Variants in FOCAD observed in about 807,000 individuals in gnomAD.
The protein encoded by FOCAD is focadhesin.
In FOCAD, 198 loss-of-function variants were observed where a neutral mutation model predicts 225.6. That is an observed-to-expected ratio of 0.88 (90% CI 0.78 to 0.99). The LOEUF (loss-of-function observed/expected upper bound fraction) is 0.99. Among genes scored for constraint, FOCAD ranks in the 50% least tolerant of loss-of-function variants. The pLI, the probability that FOCAD is intolerant of heterozygous loss-of-function variation, is 0.00. For synonymous variants in FOCAD, 897 were observed against 755.0 expected (o/e 1.19, Z -3.08); for missense variants, 2,713 against 2,123.6 (o/e 1.28, Z -5.46).
At chr9:20,980,903 G>A (rs928289280) in intron 37 of FOCAD, among the ~76,000 whole-genome samples, 4 of 152,198 alleles carry the variant, frequency 2.6e-5, no homozygotes, top group South Asian at 4.1e-4. Flanking sequence ...TCAGTTCTAC[G>A]TGCTCAGCTG....
At chr9:20,779,798 T>G (rs1038891549) in intron 9 of FOCAD, among the ~76,000 whole-genome samples, 10 of 152,112 alleles carry the variant, frequency 6.6e-5, no homozygotes, top group African/African-American at 1.9e-4. Flanking sequence ...TATAGCTCAT[T>G]CTTCTGGGCA....
rs376486637 is a variant in FOCAD, at chr9:20,960,814, A to C, written c.4132+7749A>C. 2.0e-5 allele frequency among the ~76,000 whole-genome samples: 3 copies of C among 147,506 alleles called. No homozygotes were observed. In the East Asian group the frequency reaches 6.0e-4, roughly 30 times the overall value. The stretch of plus-strand genomic sequence containing the variant: ...TGTGTCCAAGTGTTCTCATTATTCA[A>C]TTCCCACCTATGAGTGAGAACATGT... On this transcript the variant is annotated intron_variant, in intron 35 of 43. Coordinates refer to ENST00000338382, the MANE Select transcript of FOCAD (RefSeq NM_001375567.1).
chr9:20,754,305 A>T (rs1213617561), intron 5 of FOCAD, among the ~76,000 whole-genome samples: 1 of 152,218 alleles, frequency 6.6e-6, no homozygotes. Context: ...AAGTAGGAAA[A>T]TAACTTCATT....
intron 20 of FOCAD, among the ~76,000 whole-genome samples, chr9:20,882,978 C>G (rs1165175102): frequency 6.6e-6 from 1 of 152,106 alleles, no homozygotes; most frequent in East Asian, 1.9e-4. Flanking sequence ...ACTCAAATTA[C>G]AAAAGTTATA....
intron 2 of FOCAD, among the ~76,000 whole-genome samples, chr9:20,668,738 G>A (rs1821969053): frequency 6.6e-6 from 1 of 152,174 alleles, no homozygotes; most frequent in Admixed American, 6.5e-5. Context: ...GCCTTGTCAG[G>A]AGATTGAATC....
chr9:20,968,251 G>T (rs146354081), intron 35 of FOCAD, among the ~76,000 whole-genome samples: 1 of 151,634 alleles, frequency 6.6e-6, no homozygotes, highest in African/African-American at 2.4e-5. Context: ...ACATTTTTTC[G>T]TAGAATTCTC....
At chr9:20,956,894 G>A (rs945652708) in intron 35 of FOCAD, among the ~76,000 whole-genome samples, 17 of 151,976 alleles carry the variant, frequency 1.1e-4, no homozygotes, top group East Asian at 3.9e-4. Flanking sequence ...GGACTTCTCC[G>A]TGGTGGTCAG....
chr9:20,736,457 G>A (rs1027705130), intron 4 of FOCAD, among the ~76,000 whole-genome samples: 4 of 152,124 alleles, frequency 2.6e-5, no homozygotes, highest in African/African-American at 9.7e-5. Context: ...TCATTTTGCA[G>A]GAGTAGATCT....
At position 20,874,667 on chromosome 9, in the gene FOCAD, G is replaced by A. The variant is rs200873529; in HGVS notation, c.2191-14G>A. The stretch of plus-strand genomic sequence containing the variant: ...TTATTATCCTCTCTATGATCTTTTC[G>A]CTTATCATTTCAGATAAGACCAGAA... On this transcript the variant is annotated splice_polypyrimidine_tract_variant and intron_variant, in intron 18 of 43. Coordinates refer to ENST00000338382, the MANE Select transcript of FOCAD (RefSeq NM_001375567.1). 674 of 1,610,546 alleles carry A rather than the reference G, an allele frequency of 4.2e-4. 4 individuals are homozygous for A. The African/African-American group carries it at 7.7e-3, about 18-fold the overall frequency.
chr9:20,724,982 A>C (rs1021227439), intron 4 of FOCAD, among the ~76,000 whole-genome samples: 1 of 152,206 alleles, frequency 6.6e-6, no homozygotes, highest in Non-Finnish European at 1.5e-5. Context: ...CAGCTTGGCC[A>C]ACAAAGTGTA....
At position 20,981,638 on chromosome 9, in the gene FOCAD, C is replaced by T. The variant is rs752255528; in HGVS notation, c.4590C>T (p.Leu1530=). The T allele has an allele frequency of 6.7e-5, 108 of 1,613,192 alleles. No individual in the cohort carries two copies. Among genetic ancestry groups the T allele is most frequent in the Middle Eastern group, 3.3e-4 (2 of 6,076 alleles). The change falls in exon 38 of 44, where the codon CTC becomes CTT. Residue 1530 remains leucine (L), a synonymous_variant. Transcript: ENST00000338382. The part of the protein sequence containing the change: ...PSPAHHLWSL[L]SEATGKIFDL... ...CTGCCCACCACCTCTGGAGTCTGCT[C>T]TCTGAAGCTACTGGGAAAATTTTTG... is the stretch of plus-strand genomic sequence containing the variant.
intron 1 of FOCAD, among the ~76,000 whole-genome samples, chr9:20,698,041 G>C (rs1269494615): frequency 1.3e-5 from 2 of 152,240 alleles, no homozygotes; most frequent in African/African-American, 4.8e-5. Context: ...CTTGGCGTGT[G>C]CTGTGGTGAA....
At position 20,779,005 on chromosome 9, in the gene FOCAD, A is replaced by G. The variant is rs7849260; in HGVS notation, c.994+237A>G. 0.33 allele frequency among the ~76,000 whole-genome samples: 50,827 copies of G among 152,116 alleles called. 8,864 individuals are homozygous for G. The highest frequency in any genetic ancestry group is 0.36 in the Non-Finnish European group (24,742 of 67,970). On this transcript the variant is annotated intron_variant, in intron 9 of 43. Transcript: ENST00000338382. ...GTTAGAGGTTATAATCTAACCTTAT[A>G]TGGCAGTAACATTCAGGAATATATT...
intron 15 of FOCAD, among the ~76,000 whole-genome samples, chr9:20,824,019 T>A (rs1276635946): frequency 6.6e-6 from 1 of 152,100 alleles, no homozygotes; most frequent in Non-Finnish European, 1.5e-5. Context: ...CTTCTATTAT[T>A]TTTGGTGAAC....
intron 13 of FOCAD, 125 bp downstream of exon 13, chr9:20,820,550 GAA>G: frequency 6.9e-6 from 5 of 724,866 alleles, no homozygotes; most frequent in Non-Finnish European, 6.5e-6. Context: ...TGATTGCATT[GAA>G]AAAGTTTTGA....
At chr9:20,850,116 A>G (rs1049549149) in intron 15 of FOCAD, among the ~76,000 whole-genome samples, 2 of 151,768 alleles carry the variant, frequency 1.3e-5, no homozygotes, top group African/African-American at 4.8e-5. Context: ...CTCAAAATTT[A>G]AAAAAACTCT....
At chr9:20,925,091 G>A (rs1587627908) in intron 25 of FOCAD, among the ~76,000 whole-genome samples, 1 of 151,742 alleles carries the variant, frequency 6.6e-6, no homozygotes, top group Admixed American at 6.6e-5. Flanking sequence ...AGGGAAAGAG[G>A]CCAAGGGATT....
Position 20,819,795 on chromosome 9 carries a change from G to T in FOCAD, c.1456-1G>T. 6.7e-7 allele frequency: 1 copy of T among 1,492,568 alleles called. No homozygotes were observed. Among genetic ancestry groups the T allele is most frequent in the Non-Finnish European group, 8.9e-7 (1 of 1,119,292 alleles). 92.5% of individuals were successfully genotyped at this position (1,492,568 alleles called of 1,614,324 possible). ...TAATATATTTTAAAAATTCATTTTA[G>T]GTGCCAAATCTGATTCCAGTTTTGA... On this transcript the variant is annotated splice_acceptor_variant, in intron 11 of 43. Transcript: ENST00000338382. LOFTEE classifies it high-confidence loss of function.
chr9:20,741,409 C>A (rs892248916), intron 5 of FOCAD, among the ~76,000 whole-genome samples: 1 of 151,914 alleles, frequency 6.6e-6, no homozygotes, highest in Non-Finnish European at 1.5e-5. Flanking sequence ...CATGATCTTC[C>A]GTGTAATTTT....
Sources: gnomAD v4.1 joint callset for allele counts (sites outside exome capture counted in the v4.1 genomes callset) on GRCh38, gnomAD v4.1.1 for gene constraint, MANE v1.5 for transcripts, NCBI Gene and HGNC (gene_info 2026-07-23, HGNC 2026-07-21) for gene names.